PTPRN2: variants seen among roughly 807,000 people sequenced by gnomAD.
PTPRN2 encodes the protein receptor-type tyrosine-protein phosphatase N2.
PTPRN2 carries 74 observed loss-of-function variants against 118.8 expected under a neutral mutation model. The ratio of observed to expected loss-of-function variants is 0.62; its 90% CI spans 0.52 to 0.76. PTPRN2 has a LOEUF of 0.76. Ranked by LOEUF, PTPRN2 falls within the 30% of genes least tolerant of loss-of-function variation. The probability of loss-of-function intolerance (pLI) is 0.00; values close to 1 mark genes in which losing one functional copy is unlikely to be tolerated. For synonymous variants in PTPRN2, 641 were observed against 608.0 expected, an observed-to-expected ratio of 1.05 and a Z score of -0.80; for missense variants, 1,481 against 1,394.4, an observed-to-expected ratio of 1.06 and a Z score of -0.99.
chr7:157,633,611 T>C (rs1804103700), intron 14 of PTPRN2, among the ~76,000 whole-genome samples: 1 of 152,136 alleles, frequency 6.6e-6, no homozygotes, highest in African/African-American at 2.4e-5. Context: ...GGGGCCCCTC[T>C]GAAGGGTAAA....
chr7:157,834,115 G>A (rs1250457392), intron 12 of PTPRN2, among the ~76,000 whole-genome samples: 6 of 151,550 alleles, frequency 4.0e-5, no homozygotes, highest in South Asian at 2.1e-4. Context: ...CAATCAGTGA[G>A]CCAGCAGCAC....
intron 20 of PTPRN2, among the ~76,000 whole-genome samples, chr7:157,570,198 C>T (rs1402220847): frequency 2.0e-5 from 3 of 152,272 alleles, no homozygotes; most frequent in Admixed American, 6.5e-5. Flanking sequence ...CAAAGGGCCA[C>T]GGTGAGCATT....
chr7:157,699,220 T>TTATATTTTAATGTATGAA (rs1797952788), intron 12 of PTPRN2, among the ~76,000 whole-genome samples: 1 of 152,212 alleles, frequency 6.6e-6, no homozygotes, highest in Admixed American at 6.5e-5. Context: ...GAAAAGTGCC[T>TTATATTTTAATGTATGAA]ATGTATATTT....
chr7:158,109,972 G>A (rs1223135455), intron 10 of PTPRN2, among the ~76,000 whole-genome samples: 5 of 152,140 alleles, frequency 3.3e-5, no homozygotes, highest in Non-Finnish European at 7.4e-5. Context: ...CCTGTGTGAA[G>A]AGTCACTGAG....
chr7:158,409,354 G>A (rs1236789938), intron 2 of PTPRN2, among the ~76,000 whole-genome samples: 2 of 152,190 alleles, frequency 1.3e-5, no homozygotes, highest in Non-Finnish European at 2.9e-5. Flanking sequence ...GGGGAGGTGG[G>A]CAGTCCTCAG....
chr7:158,037,116 A>G (rs1196900065), intron 11 of PTPRN2, among the ~76,000 whole-genome samples: 1 of 152,256 alleles, frequency 6.6e-6, no homozygotes, highest in East Asian at 1.9e-4. Context: ...TGAAATAGTT[A>G]GAAGTTAATT....
intron 1 of PTPRN2, among the ~76,000 whole-genome samples, chr7:158,531,050 G>A (rs530450160): frequency 3.9e-5 from 6 of 152,118 alleles, no homozygotes; most frequent in Non-Finnish European, 5.9e-5. Context: ...GTGCATGGGC[G>A]TGGGTGAGCA....
intron 3 of PTPRN2, among the ~76,000 whole-genome samples, chr7:158,312,880 A>ATG (rs898103007): frequency 6.7e-6 from 1 of 148,328 alleles, no homozygotes; most frequent in South Asian, 2.1e-4. Flanking sequence ...ACACATGAGC[A>ATG]TGTGTGTGTG....
At position 158,166,984 on chromosome 7, in the gene PTPRN2, T is replaced by C; in HGVS notation, c.857A>G (p.Gln286Arg). The C allele has an allele frequency of 6.9e-7, 1 of 1,458,866 alleles. No homozygotes were observed. The highest frequency in any genetic ancestry group is 9.1e-7 in the Non-Finnish European group (1 of 1,100,706). 90.4% of individuals were successfully genotyped at this position (1,458,866 alleles called of 1,614,324 possible). A position where few individuals can be genotyped will look rare whatever the true frequency, so the allele number is the denominator to read the frequency against. The change falls in exon 6 of 23, where the codon CAG becomes CGG. Residue 286 changes from glutamine (Q) to arginine (R), a missense_variant. Around this residue, in one of 3 missense-constraint regions of PTPRN2, gnomAD observed 1,115 missense variants for 994.2 expected, o/e 1.12. Transcript: ENST00000389418. ...ATCTCCCAGAGGTGAAGGCCACTTC[T>C]GGGGGGCGGCTGGTGCCAGCAAAGG... The part of the protein sequence containing the change: ...PRPLLAPAAP[Q>R]KWPSPLGDSE...
At chr7:158,132,565 T>C (rs576992111) in intron 9 of PTPRN2, among the ~76,000 whole-genome samples, 2 of 141,680 alleles carry the variant, frequency 1.4e-5, no homozygotes, top group Non-Finnish European at 3.0e-5. Context: ...CAGACATCTA[T>C]CCAACACTCA....
At chr7:157,605,647 G>C (rs1363865271) in intron 15 of PTPRN2, among the ~76,000 whole-genome samples, 2 of 152,196 alleles carry the variant, frequency 1.3e-5, no homozygotes, top group Non-Finnish European at 2.9e-5. Context: ...TCTCCCACAG[G>C]GGGCAGCTCC....
At chr7:157,931,867 C>T (rs1355721721) in intron 11 of PTPRN2, among the ~76,000 whole-genome samples, 5 of 152,140 alleles carry the variant, frequency 3.3e-5, no homozygotes, top group South Asian at 4.2e-4. Context: ...ATTCTACCAC[C>T]GCCAGGAGAA....
chr7:158,204,157 G>C (rs1425689613), intron 4 of PTPRN2, among the ~76,000 whole-genome samples: 2 of 151,678 alleles, frequency 1.3e-5, no homozygotes, highest in Non-Finnish European at 2.9e-5. Context: ...AGTGTGTGCG[G>C]CGTTCTGGGG....
chr7:158,001,827 C>G (rs544584136), intron 11 of PTPRN2, among the ~76,000 whole-genome samples: 1 of 152,224 alleles, frequency 6.6e-6, no homozygotes, highest in East Asian at 1.9e-4. Context: ...TGCCCTCACC[C>G]GGAACCGTGC....
chr7:158,014,724 T>C (rs973301426), intron 11 of PTPRN2, among the ~76,000 whole-genome samples: 30 of 151,654 alleles, frequency 2.0e-4, no homozygotes, highest in Non-Finnish European at 3.2e-4. Flanking sequence ...CATCCACCCA[T>C]CCGGCCAGCC....
chr7:158,556,567 A>G (rs1205523967), intron 1 of PTPRN2, among the ~76,000 whole-genome samples: 1 of 150,384 alleles, frequency 6.6e-6, no homozygotes, highest in Non-Finnish European at 1.5e-5. Context: ...AAAAAAAAAA[A>G]GATAGATTAG....
intron 12 of PTPRN2, among the ~76,000 whole-genome samples, chr7:157,733,158 C>T (rs1800049615): frequency 2.3e-5 from 1 of 43,388 alleles, no homozygotes; most frequent in Non-Finnish European, 4.5e-5. Context: ...CCGTCCCAGG[C>T]GCCCAGCACA....
intron 2 of PTPRN2, among the ~76,000 whole-genome samples, chr7:158,325,268 A>G (rs921616): frequency 0.4 from 60,012 of 151,838 alleles, 12,085 homozygotes; most frequent in Middle Eastern, 0.47. Context: ...GGGCAGGGAC[A>G]CCTCCTGCTT....
chr7:158,161,888 A>G (rs1336479185), intron 6 of PTPRN2, among the ~76,000 whole-genome samples: 1 of 152,236 alleles, frequency 6.6e-6, no homozygotes, highest in African/African-American at 2.4e-5. Context: ...CAAACTCAAC[A>G]ATAAGAAAAC....
Sources: gnomAD v4.1 joint callset for allele counts (sites outside exome capture counted in the v4.1 genomes callset) on GRCh38, gnomAD v4.1.1 for gene constraint, gnomAD v4.1.1 regional missense constraint, MANE v1.5 for transcripts, NCBI Gene and HGNC (gene_info 2026-07-23, HGNC 2026-07-21) for gene names.